The following SNAP91 variants were observed in gnomAD, a reference collection of about 807,000 sequenced individuals.
SNAP91 encodes the protein clathrin coat assembly protein AP180.
A neutral mutation model predicts 100.3 loss-of-function variants in SNAP91; 27 were observed. That is an observed-to-expected ratio of 0.27 (90% CI 0.20 to 0.37). The LOEUF is 0.37. Among genes scored for constraint, SNAP91 ranks in the 10% least tolerant of loss-of-function variants. SNAP91 has a pLI of 1.00. For missense variants in SNAP91, 986 were observed against 1,123.7 expected (o/e 0.88, Z 1.75); for synonymous variants, 404 against 398.6 (o/e 1.01, Z -0.16).
Position 83,658,587 on chromosome 6 carries a change from C to T in SNAP91, c.546+412G>A, listed in dbSNP as rs141408338. Among the ~76,000 whole-genome samples the T allele has an allele frequency of 1.1e-4, 16 of 152,130 alleles. No individual in the cohort carries two copies. The South Asian group carries it at 2.5e-3, about 24-fold the overall frequency. On this transcript the variant is annotated intron_variant, in intron 6 of 29. Coordinates refer to ENST00000369694, the MANE Select transcript of SNAP91 (RefSeq NM_001242792.2). ...CGCCACTGCACTCCAGCCTGGGTGA[C>T]AGAGTGAGACTCCGTCTCAAAAAAA...
intron 2 of SNAP91, among the ~76,000 whole-genome samples, chr6:83,673,122 T>C (rs2098811386): frequency 6.6e-6 from 1 of 152,206 alleles, no homozygotes; most frequent in Admixed American, 6.5e-5. Flanking sequence ...TATATATATA[T>C]GCAAGATTAT....
intron 5 of SNAP91, among the ~76,000 whole-genome samples, chr6:83,659,330 G>C (rs2098481363): frequency 6.6e-6 from 1 of 151,952 alleles, no homozygotes; most frequent in Non-Finnish European, 1.5e-5. Flanking sequence ...TAGGAAGAAA[G>C]CAATCGGGTC....
At chr6:83,587,007 T>C (rs1402547834) in intron 22 of SNAP91, among the ~76,000 whole-genome samples, 1 of 152,208 alleles carries the variant, frequency 6.6e-6, no homozygotes, top group Non-Finnish European at 1.5e-5. Flanking sequence ...ATTGGTATTA[T>C]CTGACAGTTC....
chr6:83,614,970 T>G, intron 10 of SNAP91, 108 bp from the exon 11 acceptor site: 2 of 811,080 alleles, frequency 2.5e-6, no homozygotes, highest in South Asian at 3.6e-5. Flanking sequence ...TCAAATGTGG[T>G]TTTAGCCAAT....
At chr6:83,605,950 G>T in intron 13 of SNAP91, 147 bp from the exon 14 acceptor site, 1 of 716,424 alleles carries the variant, frequency 1.4e-6, no homozygotes, top group Non-Finnish European at 2.2e-6. Context: ...TAGAGCTATA[G>T]CATATACCAA....
At chr6:83,581,628 A>T (rs1828652360) in intron 23 of SNAP91, among the ~76,000 whole-genome samples, 1 of 152,244 alleles carries the variant, frequency 6.6e-6, no homozygotes, top group Admixed American at 6.5e-5. Flanking sequence ...AAGCAACCAA[A>T]TTGTCAGGCA....
chr6:83,658,601 G>A (rs774737950), intron 6 of SNAP91, among the ~76,000 whole-genome samples: 30 of 151,756 alleles, frequency 2.0e-4, no homozygotes, highest in Non-Finnish European at 3.5e-4. Flanking sequence ...GTGAGACTCC[G>A]TCTCAAAAAA....
At position 83,556,396 on chromosome 6, in the gene SNAP91, A is replaced by G. The variant is rs73751548; in HGVS notation, c.2632-151T>C. 4.1e-3 allele frequency among the ~76,000 whole-genome samples: 200 copies of G among 48,410 alleles called. 8 individuals are homozygous for G. Among genetic ancestry groups the G allele is most frequent in the African/African-American group, 0.016 (188 of 11,618 alleles). The allele number at this position is 48,410 out of a possible 152,430, so 31.8% of individuals were successfully genotyped here. On this transcript the variant is annotated intron_variant, in intron 28 of 29. Transcript: ENST00000369694. ...GAGAGAGAGAGAGAGAGAGAGAGAG[A>G]AAAGCATTAGGCAGAACACATATCA...
intron 8 of SNAP91, among the ~76,000 whole-genome samples, chr6:83,631,744 C>A (rs968491890): frequency 6.6e-6 from 1 of 151,986 alleles, no homozygotes; most frequent in Non-Finnish European, 1.5e-5. Flanking sequence ...TTAGGTGAGT[C>A]TCTCGAAGGC....
chr6:83,627,313 T>C (rs539027765), intron 8 of SNAP91, among the ~76,000 whole-genome samples: 43 of 152,188 alleles, frequency 2.8e-4, no homozygotes, highest in Non-Finnish European at 5.1e-4. Context: ...TAGTTTTCTT[T>C]TTTTTGTTGT....
chr6:83,616,828 G>A (rs529760246), intron 10 of SNAP91, 141 bp downstream of exon 10: 11 of 539,418 alleles, frequency 2.0e-5, no homozygotes, highest in East Asian at 3.1e-5. Flanking sequence ...GGAAGAGTAG[G>A]GGTTCTGAGG....
chr6:83,657,351 A>G (rs986935345), intron 6 of SNAP91, among the ~76,000 whole-genome samples: 3 of 152,194 alleles, frequency 2.0e-5, no homozygotes, highest in Non-Finnish European at 1.5e-5. Flanking sequence ...TACTCTAATC[A>G]TCAACACAAA....
chr6:83,699,314 CT>C (rs2129040866), intron 2 of SNAP91, among the ~76,000 whole-genome samples: 1 of 151,908 alleles, frequency 6.6e-6, no homozygotes, highest in South Asian at 2.1e-4. Context: ...AAAAGAGGAA[CT>C]CAAAAATGTT....
intron 2 of SNAP91, among the ~76,000 whole-genome samples, chr6:83,666,917 T>C (rs1453724840): frequency 6.6e-6 from 1 of 152,200 alleles, no homozygotes; most frequent in African/African-American, 2.4e-5. Context: ...TCAGAATAGA[T>C]GTATATTTGT....
chr6:83,580,359 C>G, intron 24 of SNAP91, 91 bp downstream of exon 24: 1 of 1,323,510 alleles, frequency 7.6e-7, no homozygotes, highest in East Asian at 2.3e-5. Context: ...AGAAACAAAA[C>G]ATATGAGATG....
rs1321434355 is a variant in SNAP91 at position 83,553,571 on chromosome 6, C to A, written c.*725G>T. 2 of 151,870 alleles carry A rather than the reference C, an allele frequency of 1.3e-5. No individual in the cohort carries two copies. 9.4% of individuals were successfully genotyped at this position (151,870 alleles called of 1,614,324 possible). The stretch of plus-strand genomic sequence containing the variant: ...AAATAGGTCAATTTAGATGCAAAAC[C>A]TGTCAAATATAATTAAAATATATAT... On this transcript the variant is annotated 3_prime_UTR_variant, in exon 30 of 30. Transcript: ENST00000369694.
At chr6:83,590,205 A>G (rs1457310248) in intron 22 of SNAP91, among the ~76,000 whole-genome samples, 1 of 152,154 alleles carries the variant, frequency 6.6e-6, no homozygotes, top group Non-Finnish European at 1.5e-5. Flanking sequence ...TCTAAGTAAA[A>G]TCAGAGTAAG....
chr6:83,708,143 T>A, intron 1 of SNAP91, 186 bp from the exon 2 acceptor site: 1 of 505,158 alleles, frequency 2.0e-6, no homozygotes, highest in South Asian at 3.2e-5. Flanking sequence ...GTCTTGGCCG[T>A]GAGTAGGGCC....
intron 9 of SNAP91, among the ~76,000 whole-genome samples, chr6:83,621,667 AATGTTAAAAGC>A (rs2128402349): frequency 6.6e-6 from 1 of 152,260 alleles, no homozygotes; most frequent in African/African-American, 2.4e-5. Context: ...CTCATTGTCT[AATGTTAAAAGC>A]AAAAACAGAT....
Sources: allele counts gnomAD v4.1 joint callset (sites outside exome capture counted in the v4.1 genomes callset), GRCh38; gene constraint gnomAD v4.1.1; transcripts MANE v1.5; gene names NCBI Gene and HGNC (gene_info 2026-07-23, HGNC 2026-07-21).